Variants in NFIB observed in about 807,000 individuals in gnomAD.
The protein encoded by NFIB is nuclear factor 1 B-type.
In NFIB, 11 loss-of-function variants were observed where a neutral mutation model predicts 61.5. The ratio of observed to expected loss-of-function variants is 0.18; its 90% CI spans 0.11 to 0.30. NFIB has a LOEUF of 0.30. Among genes scored for constraint, NFIB ranks in the 10% least tolerant of loss-of-function variants. The pLI is 1.00. For synonymous variants in NFIB, 260 were observed against 216.5 expected (o/e 1.20, Z -1.76); for missense variants, 471 against 608.9 (o/e 0.77, Z 2.38).
the NFIB span, among the ~76,000 whole-genome samples, chr9:14,405,111 A>G: frequency 1.3e-5 from 2 of 152,200 alleles, no homozygotes; most frequent in African/African-American, 4.8e-5. Flanking sequence ...GGTCTGATCC[A>G]TAAAGTCCTC....
chr9:14,324,604 GGAAA>G (rs1424802430), intron 1 of NFIB, among the ~76,000 whole-genome samples: 2 of 152,092 alleles, frequency 1.3e-5, no homozygotes, highest in Admixed American at 6.5e-5. Flanking sequence ...AAAGGAATAG[GGAAA>G]GAAAGAGAAA....
the NFIB span, among the ~76,000 whole-genome samples, chr9:14,499,735 G>C: frequency 6.6e-6 from 1 of 152,162 alleles, no homozygotes; most frequent in Non-Finnish European, 1.5e-5. Context: ...CAAATCTCAT[G>C]CCTTCCAACT....
chr9:14,381,073 CAAAAAAAAA>C (rs34848529), intron 1 of NFIB, among the ~76,000 whole-genome samples: 13,778 of 83,208 alleles, frequency 0.17, 1,242 homozygotes, highest in African/African-American at 0.34. Context: ...GACTCCGTCT[CAAAAAAAAA>C]AAAAAAAAAA....
chr9:14,276,462 T>C (rs1358734183), intron 2 of NFIB, among the ~76,000 whole-genome samples: 1 of 152,146 alleles, frequency 6.6e-6, no homozygotes, highest in Non-Finnish European at 1.5e-5. Context: ...GTTTGCAATT[T>C]AAGGAATGAA....
At chr9:14,198,361 T>C (rs2048674301) in intron 2 of NFIB, among the ~76,000 whole-genome samples, 2 of 152,196 alleles carry the variant, frequency 1.3e-5, no homozygotes, top group Non-Finnish European at 2.9e-5. Context: ...AGTTTAAACC[T>C]GGAACAATTA....
At chr9:14,195,049 A>T (rs1327825792) in intron 2 of NFIB, among the ~76,000 whole-genome samples, 1 of 152,116 alleles carries the variant, frequency 6.6e-6, no homozygotes, top group East Asian at 1.9e-4. Flanking sequence ...CTATTCTTCT[A>T]GGCTTGCTTA....
At chr9:14,506,485 A>G in the NFIB span, among the ~76,000 whole-genome samples, 1 of 152,214 alleles carries the variant, frequency 6.6e-6, no homozygotes, top group Non-Finnish European at 1.5e-5. Context: ...AACGAACAGG[A>G]TAAGAATTCC....
the NFIB span, among the ~76,000 whole-genome samples, chr9:14,481,128 A>G: frequency 6.9e-6 from 1 of 145,814 alleles, no homozygotes; most frequent in African/African-American, 2.5e-5. Flanking sequence ...CTCTCATCCA[A>G]TGGCTGGGTT....
At chr9:14,267,558 C>A (rs1276626765) in intron 2 of NFIB, among the ~76,000 whole-genome samples, 1 of 152,180 alleles carries the variant, frequency 6.6e-6, no homozygotes, top group East Asian at 1.9e-4. Context: ...CCTTAGCCAA[C>A]AAAGACCCCC....
chr9:14,439,214 T>G, the NFIB span, among the ~76,000 whole-genome samples: 1 of 151,922 alleles, frequency 6.6e-6, no homozygotes. Flanking sequence ...CTACAAAAAA[T>G]AAAAAGATAG....
chr9:14,118,535 G>C (rs2038466056), intron 8 of NFIB, among the ~76,000 whole-genome samples: 1 of 152,054 alleles, frequency 6.6e-6, no homozygotes, highest in African/African-American at 2.4e-5. Context: ...AGGGTGAGAA[G>C]AATTGAGGGC....
chr9:14,307,579 C>CA lies in NFIB; in HGVS notation c.31-60dup. On this transcript the variant is annotated intron_variant, in intron 1 of 10. Coordinates refer to ENST00000380953, the MANE Select transcript of NFIB (RefSeq NM_001190737.2). This position sits in a 1 kb window ranked among gnomAD's most constrained non-coding sequence, Gnocchi z 5.3. ...CATAGTCAGTTTAATTTTAAAAGCT[C>CA]AAAAAATAAGAAAAGAAGACCACAA... The CA allele has an allele frequency of 2.1e-6, 3 of 1,460,394 alleles. No homozygotes were observed. Among genetic ancestry groups the CA allele is most frequent in the Non-Finnish European group, 2.7e-6 (3 of 1,101,682 alleles). The allele number at this position is 1,460,394 out of a possible 1,614,324, so 90.5% of individuals were successfully genotyped here. A position where few individuals can be genotyped will look rare whatever the true frequency, so the allele number is the denominator to read the frequency against.
At chr9:14,394,688 G>C (rs1338379862) in intron 1 of NFIB, among the ~76,000 whole-genome samples, 1 of 152,124 alleles carries the variant, frequency 6.6e-6, no homozygotes, top group Non-Finnish European at 1.5e-5. Flanking sequence ...ACCAATCATG[G>C]GTTGTTTCAT....
intron 1 of NFIB, among the ~76,000 whole-genome samples, chr9:14,333,283 G>C (rs1339651331): frequency 6.6e-6 from 1 of 152,190 alleles, no homozygotes; most frequent in Non-Finnish European, 1.5e-5. Context: ...TGTGTGCATA[G>C]AGAATAAATA....
At position 14,313,681 on chromosome 9, in the gene NFIB, G is replaced by A; in HGVS notation, c.-170C>T. On this transcript the variant is annotated 5_prime_UTR_variant, in exon 1 of 11. Coordinates refer to ENST00000380953, the MANE Select transcript of NFIB (RefSeq NM_001190737.2). This position sits in a 1 kb window ranked among gnomAD's most constrained non-coding sequence, Gnocchi z 4.5. ...CAACAAACCCAGTCCTCCTTAAATA[G>A]CCAAAGATTCAAGTTCACTCGGCGT... 1 of 1,443,188 alleles carries A rather than the reference G, an allele frequency of 6.9e-7. No homozygotes were observed. The allele number at this position is 1,443,188 out of a possible 1,614,324, so 89.4% of individuals were successfully genotyped here.
At chr9:14,351,734 A>G (rs2061115408) in intron 1 of NFIB, among the ~76,000 whole-genome samples, 1 of 152,202 alleles carries the variant, frequency 6.6e-6, no homozygotes, top group Admixed American at 6.5e-5. Flanking sequence ...ACTGAATTTT[A>G]GAAGGTATCT....
intron 1 of NFIB, among the ~76,000 whole-genome samples, chr9:14,383,028 A>G (rs2061506324): frequency 6.6e-6 from 1 of 152,184 alleles, no homozygotes; most frequent in Non-Finnish European, 1.5e-5. Context: ...CCTTGGCCTC[A>G]ATAAAACCAG....
intron 1 of NFIB, among the ~76,000 whole-genome samples, chr9:14,354,150 T>G (rs2061148709): frequency 6.6e-6 from 1 of 152,180 alleles, no homozygotes; most frequent in African/African-American, 2.4e-5. Flanking sequence ...TTTGACATTA[T>G]TTTTTCAATC....
chr9:14,198,112 A>G (rs923489060), intron 2 of NFIB, among the ~76,000 whole-genome samples: 3 of 152,228 alleles, frequency 2.0e-5, no homozygotes, highest in Non-Finnish European at 4.4e-5. Flanking sequence ...TAAGAATTCC[A>G]TATTCCTCAA....
Sources: allele counts gnomAD v4.1 joint callset (sites outside exome capture counted in the v4.1 genomes callset), GRCh38; gene constraint gnomAD v4.1.1; non-coding constraint Gnocchi (gnomAD v3.1); transcripts MANE v1.5; gene names NCBI Gene and HGNC (gene_info 2026-07-23, HGNC 2026-07-21).